Variants in TMEM204 observed in about 807,000 individuals in gnomAD.
The protein encoded by TMEM204 is claudin-like protein 24.
Under a neutral mutation model 19.4 loss-of-function variants are expected in TMEM204, and 15 were observed. The observed-to-expected ratio is 0.77, with a 90% CI of 0.52 to 1.19. The LOEUF (loss-of-function observed/expected upper bound fraction) is 1.19, where lower values mean the gene tolerates loss of function less well. Among genes scored for constraint, TMEM204 ranks in the 50% most tolerant of loss-of-function variants. The pLI, the probability that TMEM204 is intolerant of heterozygous loss-of-function variation, is 0.00. For synonymous variants in TMEM204, 161 were observed against 146.0 expected (o/e 1.10, Z -0.74); for missense variants, 287 against 321.2 (o/e 0.89, Z 0.81).
chr16:1,543,188 G>A (rs943393116), intron 2 of TMEM204, among the ~76,000 whole-genome samples: 3 of 152,248 alleles, frequency 2.0e-5, no homozygotes, highest in African/African-American at 7.2e-5. Context: ...GGAGCTGCCC[G>A]CACCCTCCTT....
At chr16:1,554,581 C>T (rs913656510) in intron 2 of TMEM204, among the ~76,000 whole-genome samples, 10 of 152,186 alleles carry the variant, frequency 6.6e-5, no homozygotes, top group African/African-American at 2.4e-4. Context: ...GGCTCAACAC[C>T]AGGGCAGCCG....
In TMEM204 at chr16:1,553,792, G is replaced by A. The variant is rs2032871634; in HGVS notation, c.437-990G>A. 2.5e-6 allele frequency: 3 copies of A among 1,196,458 alleles called. No individual in the cohort carries two copies. Among genetic ancestry groups the A allele is most frequent in the Non-Finnish European group, 3.2e-6 (3 of 946,134 alleles). 74.1% of individuals were successfully genotyped at this position (1,196,458 alleles called of 1,614,324 possible). On this transcript the variant is annotated intron_variant, in intron 2 of 2. Coordinates refer to ENST00000566264, the MANE Select transcript of TMEM204 (RefSeq NM_024600.6). This position sits in a 1 kb window ranked among gnomAD's most constrained non-coding sequence, Gnocchi z 4.4. ...TGTGGACAGCCTCTCCTCCATCCTA[G>A]AGCCTATGTTTCCAGCTGGATTAGG...
At chr16:1,535,794 G>A (rs938322603) in intron 1 of TMEM204, among the ~76,000 whole-genome samples, 5 of 152,184 alleles carry the variant, frequency 3.3e-5, no homozygotes, top group Non-Finnish European at 7.4e-5. Flanking sequence ...ACTTCCTCTC[G>A]CATCCTTCAC....
intron 1 of TMEM204, among the ~76,000 whole-genome samples, chr16:1,538,831 G>C (rs1382871728): frequency 6.6e-6 from 1 of 152,152 alleles, no homozygotes; most frequent in Non-Finnish European, 1.5e-5. Flanking sequence ...TCACTGCTTG[G>C]GGCTGGCTGT....
upstream of TMEM204, chr16:1,532,879 G>A (rs1341374365): frequency 6.6e-6 from 1 of 152,340 alleles, no homozygotes; most frequent in African/African-American, 2.4e-5. Flanking sequence ...CACTCACAAG[G>A]TGACCTGCCT....
intron 1 of TMEM204, chr16:1,541,139 C>A (rs1232206286): frequency 3.0e-6 from 3 of 985,412 alleles, no homozygotes; most frequent in Non-Finnish European, 3.6e-6. Context: ...ATGTGCCCTG[C>A]CCACCTGGCT....
chr16:1,529,414 T>A (rs1473724530), upstream of TMEM204, among the ~76,000 whole-genome samples: 1 of 152,192 alleles, frequency 6.6e-6, no homozygotes, highest in Non-Finnish European at 1.5e-5. Flanking sequence ...AGCACCTGGG[T>A]GCACCCACTG....
intron 1 of TMEM204, 109 bp from the exon 2 acceptor site, chr16:1,541,812 C>A: frequency 7.4e-7 from 1 of 1,348,656 alleles, no homozygotes; most frequent in Non-Finnish European, 9.9e-7. Context: ...ACAGCCTGTG[C>A]CGACCGCCCT....
upstream of TMEM204, among the ~76,000 whole-genome samples, chr16:1,529,164 G>A (rs1042717364): frequency 1.3e-5 from 2 of 152,162 alleles, no homozygotes; most frequent in Non-Finnish European, 2.9e-5. Flanking sequence ...TGAATTCCAC[G>A]GACGCATTCC....
chr16:1,550,649 C>T (rs750808815), intron 2 of TMEM204, among the ~76,000 whole-genome samples: 2 of 152,162 alleles, frequency 1.3e-5, no homozygotes, highest in East Asian at 1.9e-4. Flanking sequence ...TCTGCCTACC[C>T]GCTCTGTGCT....
chr16:1,553,068 A>C lies in TMEM204; in HGVS notation c.437-1714A>C. 1 of 985,484 alleles carries C rather than the reference A, an allele frequency of 1.0e-6. No individual in the cohort carries two copies. Among genetic ancestry groups the C allele is most frequent in the Non-Finnish European group, 1.2e-6 (1 of 829,944 alleles). The allele number at this position is 985,484 out of a possible 1,614,324, so 61.0% of individuals were successfully genotyped here. A position where few individuals can be genotyped will look rare whatever the true frequency, so the allele number is the denominator to read the frequency against. ...CCAGTCACTGTCATTGTTCAGGACA[A>C]AATGGAGATAGATAAATGCTTAATT... On this transcript the variant is annotated intron_variant, in intron 2 of 2. Coordinates refer to ENST00000566264, the MANE Select transcript of TMEM204 (RefSeq NM_024600.6). This position sits in a 1 kb window ranked among gnomAD's most constrained non-coding sequence, Gnocchi z 4.4.
At chr16:1,530,363 C>T (rs2030335613), upstream of TMEM204, among the ~76,000 whole-genome samples, 1 of 151,978 alleles carries the variant, frequency 6.6e-6, no homozygotes, top group Admixed American at 6.5e-5. Flanking sequence ...GATCTCTTGA[C>T]CTTGTGATCT....
chr16:1,548,778 G>A (rs1006315803), intron 2 of TMEM204, among the ~76,000 whole-genome samples: 4 of 152,228 alleles, frequency 2.6e-5, no homozygotes, highest in Non-Finnish European at 5.9e-5. Context: ...CCACAGCGCA[G>A]TGCGATCATG....
intron 1 of TMEM204, among the ~76,000 whole-genome samples, chr16:1,540,398 T>A (rs2031519856): frequency 6.6e-6 from 1 of 152,222 alleles, no homozygotes; most frequent in Non-Finnish European, 1.5e-5. Flanking sequence ...CCCCTGAGCC[T>A]TGATGCCAGC....
intron 2 of TMEM204, among the ~76,000 whole-genome samples, chr16:1,543,784 G>A (rs565251006): frequency 2.8e-4 from 42 of 152,246 alleles, no homozygotes; most frequent in African/African-American, 7.2e-4. Context: ...CTGCTGACCC[G>A]AGGGCCATAA....
chr16:1,552,449 C>A (rs1006967710), intron 2 of TMEM204, among the ~76,000 whole-genome samples: 5 of 152,246 alleles, frequency 3.3e-5, no homozygotes, highest in South Asian at 4.1e-4. Context: ...CCACACCCCA[C>A]CGGCAGAAAG....
At chr16:1,548,238 T>G (rs567882023) in intron 2 of TMEM204, among the ~76,000 whole-genome samples, 1 of 152,130 alleles carries the variant, frequency 6.6e-6, no homozygotes, top group Non-Finnish European at 1.5e-5. Flanking sequence ...TTAGAGCCAG[T>G]TGCACCCAGT....
In TMEM204 at chr16:1,553,885, C is replaced by A. The variant is rs940942247; in HGVS notation, c.437-897C>A. Reference sequence around the variant, plus strand: ...AGTTGGTAGACTCTAGTCACGAAACCCTGATTTTCCTGTTGTAAGAACTAA... The same window carrying A: ...AGTTGGTAGACTCTAGTCACGAAACACTGATTTTCCTGTTGTAAGAACTAA... On this transcript the variant is annotated intron_variant, in intron 2 of 2. Coordinates refer to ENST00000566264, the MANE Select transcript of TMEM204 (RefSeq NM_024600.6). The surrounding 1 kb of genome is among the most constrained non-coding windows in gnomAD (Gnocchi z 4.4). 3 of 1,262,272 alleles carry A rather than the reference C, an allele frequency of 2.4e-6. No homozygotes were observed. Among genetic ancestry groups the A allele is most frequent in the African/African-American group, 1.5e-5 (1 of 64,776 alleles). The allele number at this position is 1,262,272 out of a possible 1,614,324, so 78.2% of individuals were successfully genotyped here.
At chr16:1,544,671 T>C (rs192068259) in intron 2 of TMEM204, among the ~76,000 whole-genome samples, 2,630 of 151,862 alleles carry the variant, frequency 0.017, 29 homozygotes, top group Non-Finnish European at 0.027. Flanking sequence ...TTTTTTGAGA[T>C]GGAGTCTCGC....
Sources: allele counts gnomAD v4.1 joint callset (sites outside exome capture counted in the v4.1 genomes callset), GRCh38; gene constraint gnomAD v4.1.1; non-coding constraint Gnocchi (gnomAD v3.1); transcripts MANE v1.5; gene names NCBI Gene and HGNC (gene_info 2026-07-23, HGNC 2026-07-21).